The following ZNF721 variants were observed in gnomAD, a reference collection of about 807,000 sequenced individuals.
ZNF721 encodes zinc finger protein 721.
ZNF721 carries 2 observed loss-of-function variants against 2.4 expected under a neutral mutation model. That is an observed-to-expected ratio of 0.82 (90% CI 0.34 to 2.58). ZNF721 has a LOEUF of 2.58. ZNF721 is among the 30% of genes most tolerant of loss of function. The pLI is 0.11. For synonymous variants in ZNF721, 398 were observed against 381.8 expected, an observed-to-expected ratio of 1.04 and a Z score of -0.50; for missense variants, 1,187 against 1,085.5, an observed-to-expected ratio of 1.09 and a Z score of -1.31.
At chr4:463,549 A>C (rs1288241416) in intron 2 of ZNF721, among the ~76,000 whole-genome samples, 1 of 152,262 alleles carries the variant, frequency 6.6e-6, no homozygotes, top group Non-Finnish European at 1.5e-5. Context: ...AATGTGGCAC[A>C]TATACACCAT....
chr4:444,377 T>C lies in ZNF721; in HGVS notation c.90A>G (p.Ser30=), dbSNP rs73792201. Residue 30 remains serine (S), a synonymous_variant, in exon 3 of 3, where the codon TCA becomes TCG. Coordinates refer to ENST00000511833, the MANE Select transcript of ZNF721 (RefSeq NM_133474.4). ...DFLPVQGIED[S]FHKLILRRYE... is the part of the protein sequence containing the mutation. ...ATCTTCTCAGTATAAGTTTGTGGAATGAATCTTCTATCCCCTGCACTGGCA... is the reference window on the plus strand; with the variant it reads ...ATCTTCTCAGTATAAGTTTGTGGAACGAATCTTCTATCCCCTGCACTGGCA... 2.5e-6 allele frequency: 4 copies of C among 1,612,514 alleles called. No homozygotes were observed. In the African/African-American group the frequency reaches 5.3e-5, roughly 22 times the overall value.
chr4:449,971 A>G (rs1175414751), intron 2 of ZNF721, among the ~76,000 whole-genome samples: 1 of 152,136 alleles, frequency 6.6e-6, no homozygotes, highest in Non-Finnish European at 1.5e-5. Flanking sequence ...GCCATTATAG[A>G]AAAAAATAAG....
chr4:456,946 AGAGTT>A (rs1553865496), intron 2 of ZNF721, among the ~76,000 whole-genome samples: 1 of 152,172 alleles, frequency 6.6e-6, no homozygotes. Context: ...CCAGTAAAAT[AGAGTT>A]GAAAGAATAA....
intron 1 of ZNF721, among the ~76,000 whole-genome samples, chr4:479,633 C>T (rs915346849): frequency 6.6e-6 from 1 of 152,218 alleles, no homozygotes; most frequent in African/African-American, 2.4e-5. Context: ...CCTTTGTTGG[C>T]ATGCACCAGT....
At chr4:476,602 C>T (rs78537406) in intron 1 of ZNF721, among the ~76,000 whole-genome samples, 1 of 152,172 alleles carries the variant, frequency 6.6e-6, no homozygotes, top group Non-Finnish European at 1.5e-5. Context: ...ATCGACTGAG[C>T]AGTTGATCTA....
At chr4:480,043 TG>T in intron 1 of ZNF721, among the ~76,000 whole-genome samples, 1 of 152,340 alleles carries the variant, frequency 6.6e-6, no homozygotes. Context: ...ATGGTGATTT[TG>T]GATGTCAGTG....
intron 2 of ZNF721, among the ~76,000 whole-genome samples, chr4:472,072 G>T (rs1360404903): frequency 1.3e-5 from 2 of 151,854 alleles, no homozygotes; most frequent in African/African-American, 4.8e-5. Context: ...TTGTTTTTTG[G>T]TTTTTTTGAG....
At chr4:477,847 GA>G (rs1246603847) in intron 1 of ZNF721, among the ~76,000 whole-genome samples, 1 of 152,166 alleles carries the variant, frequency 6.6e-6, no homozygotes, top group Admixed American at 6.5e-5. Context: ...TTCCTGGGGT[GA>G]TAGTAATAAG....
At position 492,362 on chromosome 4, in the gene ZNF721, C is replaced by G. The variant is rs552708086; in HGVS notation, c.-94+6694G>C. 3.9e-5 allele frequency among the ~76,000 whole-genome samples: 6 copies of G among 152,132 alleles called. No homozygotes were observed. The East Asian group carries it at 1.2e-3, about 29-fold the overall frequency. On this transcript the variant is annotated intron_variant, in intron 1 of 2. Coordinates refer to ENST00000511833, the MANE Select transcript of ZNF721 (RefSeq NM_133474.4). ...TTGGAAAAAAACATTCCCGTTAGAC[C>G]TCTAAGAAAATGTATCTTTTCAAAG... is the stretch of plus-strand genomic sequence containing the variant.
chr4:458,057 T>C (rs991377821), intron 2 of ZNF721, among the ~76,000 whole-genome samples: 5 of 152,232 alleles, frequency 3.3e-5, no homozygotes. Flanking sequence ...GTACTGCTCA[T>C]TTAGGAACCT....
chr4:472,358 C>A (rs1231173423), intron 2 of ZNF721, among the ~76,000 whole-genome samples: 4 of 152,206 alleles, frequency 2.6e-5, no homozygotes, highest in African/African-American at 9.6e-5. Context: ...CTGCACCCAG[C>A]CCTAAAATTC....
At chr4:453,954 T>C (rs1166956844) in intron 2 of ZNF721, 1 of 152,202 alleles carries the variant, frequency 6.6e-6, no homozygotes, top group Non-Finnish European at 1.5e-5. Context: ...GGTGGCCGGA[T>C]TCCATATAGC....
intron 1 of ZNF721, among the ~76,000 whole-genome samples, chr4:494,487 G>C (rs189458065): frequency 6.6e-6 from 1 of 152,072 alleles, no homozygotes; most frequent in East Asian, 1.9e-4. Flanking sequence ...CACCTGGCTG[G>C]AAGTACATCT....
chr4:496,519 C>T (rs539148144), intron 1 of ZNF721, among the ~76,000 whole-genome samples: 4 of 152,138 alleles, frequency 2.6e-5, no homozygotes, highest in African/African-American at 9.6e-5. Flanking sequence ...CCCCGAAAAG[C>T]TGAGGGGAGG....
intron 1 of ZNF721, among the ~76,000 whole-genome samples, chr4:496,862 G>A (rs373059236): frequency 3.8e-4 from 58 of 151,604 alleles, no homozygotes; most frequent in African/African-American, 1.3e-3. Context: ...ACAGGTGCCC[G>A]CCACCGCGCC....
intron 1 of ZNF721, chr4:473,894 T>C: frequency 1.4e-6 from 2 of 1,440,914 alleles, no homozygotes; most frequent in South Asian, 1.1e-5. Flanking sequence ...GGGGACTCCG[T>C]TCGCAGACTC....
rs782503910 is a variant in ZNF721, at chr4:441,931, A to G, written c.2536T>C (p.Phe846Leu). The G allele has an allele frequency of 3.1e-6, 5 of 1,613,844 alleles. No individual in the cohort carries two copies. Among genetic ancestry groups the G allele is most frequent in the Non-Finnish European group, 4.2e-6 (5 of 1,179,948 alleles). The change falls in exon 3 of 3, where the codon TTT becomes CTT. Residue 846 changes from phenylalanine (F) to leucine (L), a missense_variant. Coordinates refer to ENST00000511833, the MANE Select transcript of ZNF721 (RefSeq NM_133474.4). Reference protein sequence around the residue: ...PYTCEECGKAFRQSAILYVHR... With the variant: ...PYTCEECGKALRQSAILYVHR... ...ACATAAAGGATTGCTGACTGTCTAA[A>G]GGCTTTGCCACATTCTTCACATGTG...
At chr4:462,837 G>A (rs1335818323) in intron 2 of ZNF721, among the ~76,000 whole-genome samples, 1 of 152,128 alleles carries the variant, frequency 6.6e-6, no homozygotes, top group Non-Finnish European at 1.5e-5. Context: ...CAGGACACGG[G>A]CATGGGCAAA....
In ZNF721 at chr4:472,581, A is replaced by G; in HGVS notation, c.28T>C (p.Ser10Pro). 2 of 1,611,328 alleles carry G rather than the reference A, an allele frequency of 1.2e-6. No individual in the cohort carries two copies. The highest frequency in any genetic ancestry group is 1.7e-6 in the Non-Finnish European group (2 of 1,179,420). Residue 10 changes from serine (S) to proline (P), a missense_variant, in exon 2 of 3, where the codon TCC (serine) becomes CCC (proline). By Grantham distance (74) the Ser-to-Pro change is moderately conservative. Coordinates refer to ENST00000511833, the MANE Select transcript of ZNF721 (RefSeq NM_133474.4). MLENYRNLV[S>P]LAMCSHFTQD... The stretch of plus-strand genomic sequence containing the variant: ...GCATTAAAGTTATCCTCACCTAGGG[A>G]GACCAGGTTTCTGTAGTTCTCCAAC...
Sources: gnomAD v4.1 joint callset for allele counts (sites outside exome capture counted in the v4.1 genomes callset) on GRCh38, gnomAD v4.1.1 for gene constraint, MANE v1.5 for transcripts, NCBI Gene and HGNC (gene_info 2026-07-23, HGNC 2026-07-21) for gene names.